Variants in TJP2 observed in about 807,000 individuals in gnomAD.
The protein encoded by TJP2 is Friedreich ataxia region gene X104 (tight junction protein ZO-2).
TJP2 carries 91 observed loss-of-function variants against 133.1 expected under a neutral mutation model. That is an observed-to-expected ratio of 0.68 (90% CI 0.58 to 0.81). TJP2 has a LOEUF of 0.81. TJP2 is among the 40% of genes least tolerant of loss of function. TJP2 has a pLI of 0.00. For missense variants in TJP2, 1,541 were observed against 1,565.6 expected, an observed-to-expected ratio of 0.98 and a Z score of 0.26; for synonymous variants, 592 against 583.4, an observed-to-expected ratio of 1.01 and a Z score of -0.21.
upstream of TJP2, among the ~76,000 whole-genome samples, chr9:69,170,810 C>T (rs1295450513): frequency 1.3e-5 from 2 of 152,112 alleles, no homozygotes; most frequent in Non-Finnish European, 2.9e-5. Flanking sequence ...TCAAGTCTGC[C>T]CCCTAAATAT....
chr9:69,158,278 A>G (rs1823876429), intron 2 of TJP2, among the ~76,000 whole-genome samples: 1 of 134,480 alleles, frequency 7.4e-6, no homozygotes, highest in African/African-American at 2.8e-5. Flanking sequence ...CAGTGAGCCT[A>G]GATGGCGCCA....
intron 1 of TJP2, among the ~76,000 whole-genome samples, chr9:69,211,902 ATT>A (rs904831876): frequency 2.0e-5 from 3 of 151,782 alleles, no homozygotes; most frequent in African/African-American, 7.3e-5. Context: ...TGTTCTTGGC[ATT>A]TCTAGCTTTC....
intron 7 of TJP2, among the ~76,000 whole-genome samples, chr9:69,227,093 T>C (rs1324925631): frequency 6.6e-6 from 1 of 151,850 alleles, no homozygotes; most frequent in East Asian, 1.9e-4. Flanking sequence ...TTAGAAAATA[T>C]TAAGTTACGA....
chr9:69,207,983 G>A (rs1827570585), intron 1 of TJP2, among the ~76,000 whole-genome samples: 1 of 152,194 alleles, frequency 6.6e-6, no homozygotes, highest in Non-Finnish European at 1.5e-5. Context: ...GCTGCCCAAG[G>A]GCTTTGGCGA....
intron 11 of TJP2, among the ~76,000 whole-genome samples, chr9:69,230,560 T>C (rs540986850): frequency 6.6e-6 from 1 of 152,212 alleles, no homozygotes; most frequent in Non-Finnish European, 1.5e-5. Context: ...TGATTTTTGC[T>C]TTTTTCACTG....
In TJP2 at chr9:69,254,243, A is replaced by C. The variant is rs750032074; in HGVS notation, c.3442A>C (p.Arg1148=). 3.1e-6 allele frequency: 5 copies of C among 1,614,264 alleles called. No homozygotes were observed. Among genetic ancestry groups the C allele is most frequent in the South Asian group, 2.2e-5 (2 of 91,090 alleles). Residue 1148 remains arginine, a synonymous_variant, in exon 23 of 23, where the codon AGA becomes CGA. Transcript: ENST00000377245. ...RPPEPQKAPS[R]PYQDTRGSYG... ...CCCTGAGCCACAGAAAGCTCCTTCCAGACCTTATCAGGATACCAGAGGAAG... is the reference window on the plus strand; with the variant it reads ...CCCTGAGCCACAGAAAGCTCCTTCCCGACCTTATCAGGATACCAGAGGAAG...
intron 21 of TJP2, among the ~76,000 whole-genome samples, chr9:69,252,248 G>C (rs974426330): frequency 6.6e-6 from 1 of 152,132 alleles, no homozygotes; most frequent in Non-Finnish European, 1.5e-5. Flanking sequence ...ACCCTCCTCA[G>C]CCTCCCAAAG....
intron 22 of TJP2, 118 bp downstream of exon 22, chr9:69,253,018 TTGAC>T: frequency 1.1e-6 from 1 of 873,244 alleles, no homozygotes; most frequent in Non-Finnish European, 1.9e-6. Context: ...TCCCCACAGA[TTGAC>T]TGTTTGCCTT....
chr9:69,169,368 T>TG (rs1564397495), upstream of TJP2, among the ~76,000 whole-genome samples: 604 of 134,102 alleles, frequency 4.5e-3, 5 homozygotes, highest in African/African-American at 0.013. Flanking sequence ...TTTTTTTTTT[T>TG]TGGGGGGGGG....
In TJP2 at chr9:69,225,312, C is replaced by A; in HGVS notation, c.961C>A (p.Leu321Ile). The change falls in exon 6 of 23, where the codon CTC (leucine) becomes ATC (isoleucine). Residue 321 changes from leucine (L) to isoleucine (I), a missense_variant. By Grantham distance (5) the Leu-to-Ile change is conservative. Coordinates refer to ENST00000377245, the MANE Select transcript of TJP2 (RefSeq NM_004817.4). ...MKSRANEEYG[L>I]RLGSQIFVKE... ...ATGTGTTTGTCTCCTAGAGTATGGT[C>A]TCCGGCTTGGGAGTCAGATCTTCGT... is the stretch of plus-strand genomic sequence containing the variant. 1 of 1,612,054 alleles carries A rather than the reference C, an allele frequency of 6.2e-7. No individual in the cohort carries two copies. The highest frequency in any genetic ancestry group is 1.1e-5 in the South Asian group (1 of 90,912).
chr9:69,158,284 C>A (rs187964245), intron 2 of TJP2, among the ~76,000 whole-genome samples: 1 of 135,812 alleles, frequency 7.4e-6, no homozygotes, highest in Admixed American at 8.0e-5. Flanking sequence ...GCCTAGATGG[C>A]GCCACTGCAC....
In TJP2 at chr9:69,225,326, T is replaced by A; in HGVS notation, c.975T>A (p.Ser325Arg). Reference protein sequence around the residue: ...ANEEYGLRLGSQIFVKEMTRT... With the variant: ...ANEEYGLRLGRQIFVKEMTRT... ...TAGAGTATGGTCTCCGGCTTGGGAGTCAGATCTTCGTAAAGGAAATGACCC... is the reference window on the plus strand; with the variant it reads ...TAGAGTATGGTCTCCGGCTTGGGAGACAGATCTTCGTAAAGGAAATGACCC... The change falls in exon 6 of 23, where the codon AGT becomes AGA. Residue 325 changes from serine to arginine, a missense_variant. Transcript: ENST00000377245. 3 of 1,613,548 alleles carry A rather than the reference T, an allele frequency of 1.9e-6. No individual in the cohort carries two copies. The South Asian group carries it at 3.3e-5, about 18-fold the overall frequency.
intron 2 of TJP2, among the ~76,000 whole-genome samples, chr9:69,154,941 G>C (rs11145484): frequency 0.42 from 64,253 of 151,836 alleles, 13,877 homozygotes; most frequent in East Asian, 0.63. Context: ...GTTGAGGTTG[G>C]GGTCAGTGGC....
chr9:69,132,396 G>A (rs1167100512), intron 1 of TJP2, among the ~76,000 whole-genome samples: 3 of 152,222 alleles, frequency 2.0e-5, no homozygotes, highest in Non-Finnish European at 4.4e-5. Flanking sequence ...GGATGGGGAT[G>A]AGAGTGGCAG....
At position 69,239,516 on chromosome 9, in the gene TJP2, T is replaced by A. The variant is rs1167967581; in HGVS notation, c.2356-421T>A. On this transcript the variant is annotated intron_variant, in intron 16 of 22. Transcript: ENST00000377245. ...TAGGTAGAAGGAAATGTGTTCTGCT[T>A]CTTGATTTAAATTTACAAGATAGGT... Among the ~76,000 whole-genome samples the A allele has an allele frequency of 2.0e-5, 3 of 152,200 alleles. No individual in the cohort carries two copies. The East Asian group carries it at 5.8e-4, about 29-fold the overall frequency.
intron 9 of TJP2, among the ~76,000 whole-genome samples, chr9:69,228,371 A>G (rs1829507442): frequency 6.6e-6 from 1 of 152,168 alleles, no homozygotes; most frequent in East Asian, 1.9e-4. Context: ...GAAACTACTA[A>G]AGGAGGAGAT....
In TJP2 at chr9:69,189,883, G is replaced by A. The variant is rs1324524517; in HGVS notation, c.60+15451G>A. Among the ~76,000 whole-genome samples, 2 of 110,146 alleles carry A rather than the reference G, an allele frequency of 1.8e-5. 1 individual carries two copies. The highest frequency in any genetic ancestry group is 4.1e-5 in the Non-Finnish European group (2 of 49,196). The allele number at this position is 110,146 out of a possible 152,430, so 72.3% of individuals were successfully genotyped here. On this transcript the variant is annotated intron_variant, in intron 1 of 22. Transcript: ENST00000377245. Reference sequence around the variant, plus strand: ...AGCACTTTGGGAGGCCGAGGTGGACGGATCATGAGGTCAGGAGATCGAGAT... The same window carrying A: ...AGCACTTTGGGAGGCCGAGGTGGACAGATCATGAGGTCAGGAGATCGAGAT...
intron 2 of TJP2, among the ~76,000 whole-genome samples, chr9:69,155,227 CAAAAAAAAAAAAA>C (rs58935075): frequency 8.1e-5 from 8 of 98,772 alleles, no homozygotes; most frequent in African/African-American, 2.0e-4. Context: ...ACTCCATTTC[CAAAAAAAAAAAAA>C]AAAAAAAAAG....
At chr9:69,140,137 A>C (rs1822952279) in intron 1 of TJP2, among the ~76,000 whole-genome samples, 2 of 152,196 alleles carry the variant, frequency 1.3e-5, no homozygotes, top group African/African-American at 4.8e-5. Context: ...AGAGGGCAGA[A>C]TAGGAACACC....
Sources: allele counts gnomAD v4.1 joint callset (sites outside exome capture counted in the v4.1 genomes callset), GRCh38; gene constraint gnomAD v4.1.1; transcripts MANE v1.5; gene names NCBI Gene and HGNC (gene_info 2026-07-23, HGNC 2026-07-21).